The following CDH11 variants were observed in gnomAD, a reference collection of about 807,000 sequenced individuals.
The protein encoded by CDH11 is cadherin-11.
A neutral mutation model predicts 67.8 loss-of-function variants in CDH11; 11 were observed. That is an observed-to-expected ratio of 0.16 (90% CI 0.10 to 0.27). The LOEUF is 0.27. Among genes scored for constraint, CDH11 ranks in the 10% least tolerant of loss-of-function variants. The pLI, the probability that CDH11 is intolerant of heterozygous loss-of-function variation, is 1.00. For missense variants in CDH11, 847 were observed against 1,031.2 expected, an observed-to-expected ratio of 0.82 and a Z score of 2.45; for synonymous variants, 419 against 400.0, an observed-to-expected ratio of 1.05 and a Z score of -0.57.
intron 1 of CDH11, among the ~76,000 whole-genome samples, chr16:65,058,532 C>T (rs1481514151): frequency 6.6e-6 from 1 of 152,134 alleles, no homozygotes; most frequent in Non-Finnish European, 1.5e-5. Flanking sequence ...CTTTTTTGAG[C>T]ATCACATGTT....
In CDH11 at chr16:65,121,864, T is replaced by TGG. The variant is rs2075337850; in HGVS notation, c.-298+14_-298+15dup. On this transcript the variant is annotated intron_variant, in intron 1 of 12. Coordinates refer to ENST00000268603, the MANE Select transcript of CDH11 (RefSeq NM_001797.4). This position sits in a 1 kb window ranked among gnomAD's most constrained non-coding sequence, Gnocchi z 4.1. Reference sequence around the variant, plus strand: ...CCCCAACCAGGCGAGAGGAAGGGACTGGCGGCGCACCTCACCTGGGGCCCT... The same window carrying TGG: ...CCCCAACCAGGCGAGAGGAAGGGACTGGGGCGGCGCACCTCACCTGGGGCCCT... 4.3e-6 allele frequency: 3 copies of TGG among 701,048 alleles called. No individual in the cohort carries two copies. In the African/African-American group the frequency reaches 5.3e-5, roughly 12 times the overall value. The allele number at this position is 701,048 out of a possible 1,614,324, so 43.4% of individuals were successfully genotyped here.
intron 6 of CDH11, chr16:64,991,522 C>A (rs779181819): frequency 2.3e-6 from 1 of 443,160 alleles, no homozygotes; most frequent in Non-Finnish European, 4.1e-6. Flanking sequence ...TTAGCAAAAA[C>A]GATATTTTGT....
At chr16:65,069,482 G>A (rs1455173927) in intron 1 of CDH11, among the ~76,000 whole-genome samples, 2 of 152,116 alleles carry the variant, frequency 1.3e-5, no homozygotes, top group Admixed American at 1.3e-4. Flanking sequence ...GACACATGGA[G>A]TACCTCTTTT....
chr16:65,037,391 C>T (rs2073773981), intron 2 of CDH11, among the ~76,000 whole-genome samples: 1 of 152,132 alleles, frequency 6.6e-6, no homozygotes, highest in South Asian at 2.1e-4. Flanking sequence ...TCACTGTGAA[C>T]CTCTGTCTAC....
chr16:65,045,492 A>G (rs2073945741), intron 2 of CDH11, among the ~76,000 whole-genome samples: 1 of 151,600 alleles, frequency 6.6e-6, no homozygotes, highest in African/African-American at 2.4e-5. Flanking sequence ...AAATGGTGGC[A>G]TCTGTCAGGT....
At position 64,994,627 on chromosome 16, in the gene CDH11, G is replaced by A. The variant is rs2072719326; in HGVS notation, c.524-1593C>T. On this transcript the variant is annotated intron_variant, in intron 4 of 12. Transcript: ENST00000268603. ...CACACTGAATGAGCAAAAGCTGGAAGCATTCTCCTTCAGAGCAGGAATAAG... is the reference window on the plus strand; with the variant it reads ...CACACTGAATGAGCAAAAGCTGGAAACATTCTCCTTCAGAGCAGGAATAAG... Among the ~76,000 whole-genome samples the A allele has an allele frequency of 5.9e-5, 9 of 151,422 alleles. No homozygotes were observed. The South Asian group carries it at 1.9e-3, about 32-fold the overall frequency.
chr16:65,023,529 A>C (rs1270463041), intron 2 of CDH11, among the ~76,000 whole-genome samples: 1 of 152,240 alleles, frequency 6.6e-6, no homozygotes, highest in Non-Finnish European at 1.5e-5. Context: ...AAGTTTATTA[A>C]GAAAGTAAAG....
intron 2 of CDH11, among the ~76,000 whole-genome samples, chr16:65,047,413 G>A (rs916001473): frequency 2.0e-5 from 3 of 151,262 alleles, no homozygotes; most frequent in Admixed American, 1.3e-4. Flanking sequence ...TGCAGTTGGT[G>A]CAGTCTCAGC....
chr16:65,005,290 T>C (rs2073026658), intron 2 of CDH11, among the ~76,000 whole-genome samples: 1 of 152,174 alleles, frequency 6.6e-6, no homozygotes, highest in Non-Finnish European at 1.5e-5. Flanking sequence ...GCCTGGTACA[T>C]AGTAAGCACT....
At chr16:65,099,464 A>G (rs951848438) in intron 1 of CDH11, among the ~76,000 whole-genome samples, 4 of 152,124 alleles carry the variant, frequency 2.6e-5, no homozygotes, top group African/African-American at 9.7e-5. Context: ...ATGGACTGTA[A>G]CTCAAGGAAG....
chr16:65,004,200 TA>T (rs908504667), intron 3 of CDH11, among the ~76,000 whole-genome samples: 1 of 151,956 alleles, frequency 6.6e-6, no homozygotes, highest in Non-Finnish European at 1.5e-5. Context: ...ACCTTTTCTC[TA>T]AAAAAATGAA....
At chr16:65,027,580 A>G (rs1251619607) in intron 2 of CDH11, among the ~76,000 whole-genome samples, 2 of 152,240 alleles carry the variant, frequency 1.3e-5, no homozygotes, top group African/African-American at 4.8e-5. Flanking sequence ...ACGTAACAAT[A>G]CAGCAGAGTT....
intron 11 of CDH11, among the ~76,000 whole-genome samples, chr16:64,957,920 C>T (rs928752717): frequency 2.0e-5 from 3 of 152,040 alleles, no homozygotes; most frequent in African/African-American, 7.3e-5. Flanking sequence ...TTTCATAGAA[C>T]ATTTTTAGAA....
At chr16:65,057,004 A>G (rs563923156) in intron 1 of CDH11, among the ~76,000 whole-genome samples, 2 of 152,302 alleles carry the variant, frequency 1.3e-5, no homozygotes, top group South Asian at 4.1e-4. Context: ...GGGACTGTGG[A>G]TTCTGTGAAA....
chr16:64,999,009 T>G (rs547844193), intron 3 of CDH11, among the ~76,000 whole-genome samples, 153 bp from the exon 4 acceptor site: 1 of 152,186 alleles, frequency 6.6e-6, no homozygotes, highest in Admixed American at 6.5e-5. Flanking sequence ...AAGGCAATCT[T>G]AGAGAATATC....
At chr16:65,117,079 C>T (rs7404249) in intron 1 of CDH11, among the ~76,000 whole-genome samples, 60,705 of 152,054 alleles carry the variant, frequency 0.4, 12,553 homozygotes, top group East Asian at 0.55. Flanking sequence ...AAAATTGCCC[C>T]TTTTAAAGTT....
In CDH11 at chr16:64,988,204, T is replaced by A; in HGVS notation, c.952A>T (p.Ile318Phe). The A allele has an allele frequency of 6.2e-7, 1 of 1,613,420 alleles. No homozygotes were observed. Among genetic ancestry groups the A allele is most frequent in the South Asian group, 1.1e-5 (1 of 90,888 alleles). The change falls in exon 7 of 13, where the codon ATC becomes TTC. Residue 318 changes from isoleucine to phenylalanine, a missense_variant. Physicochemically the swap from Ile to Phe is conservative, Grantham distance 21 (BLOSUM62 0). Coordinates refer to ENST00000268603, the MANE Select transcript of CDH11 (RefSeq NM_001797.4). ...TCCTGTGTTTCATAGTCCGTTGTGA[T>A]TTCAAACGATTCCATACCATCTCCA... ...VDGDGMESFE[I>F]TTDYETQEGV...
At chr16:64,998,892 G>A (rs1402430816) in intron 3 of CDH11, 36 bp from the exon 4 acceptor site, 2 of 1,581,480 alleles carry the variant, frequency 1.3e-6, no homozygotes, top group Non-Finnish European at 1.7e-6. Flanking sequence ...TTAATTCCAT[G>A]AGGAAAGCAG....
chr16:64,957,664 A>G (rs1240949866), intron 11 of CDH11, among the ~76,000 whole-genome samples: 2 of 151,856 alleles, frequency 1.3e-5, no homozygotes, highest in Non-Finnish European at 1.5e-5. Context: ...ACATATATAT[A>G]CGCATAAATA....
Sources: gnomAD v4.1 joint callset for allele counts (sites outside exome capture counted in the v4.1 genomes callset) on GRCh38, gnomAD v4.1.1 for gene constraint, Gnocchi (gnomAD v3.1) non-coding constraint, MANE v1.5 for transcripts, NCBI Gene and HGNC (gene_info 2026-07-23, HGNC 2026-07-21) for gene names.